CDKL4: variants seen among roughly 807,000 people sequenced by gnomAD.
CDKL4 encodes cyclin dependent kinase like 4.
CDKL4 carries 44 observed loss-of-function variants against 42.0 expected under a neutral mutation model. The observed-to-expected ratio is 1.05, with a 90% CI of 0.82 to 1.35. CDKL4 has a LOEUF of 1.35. Among genes scored for constraint, CDKL4 ranks in the 40% most tolerant of loss-of-function variants. The pLI, the probability that CDKL4 is intolerant of heterozygous loss-of-function variation, is 0.00. For synonymous variants in CDKL4, 120 were observed against 121.6 expected (o/e 0.99, Z 0.09); for missense variants, 393 against 369.9 (o/e 1.06, Z -0.51).
At chr2:39,245,317 A>G (rs1341358370), upstream of CDKL4, among the ~76,000 whole-genome samples, 1 of 152,172 alleles carries the variant, frequency 6.6e-6, no homozygotes, top group Non-Finnish European at 1.5e-5. Flanking sequence ...TAAGAGCTGT[A>G]ACACTCACCG....
At chr2:39,197,736 C>T (rs964653454) in intron 5 of CDKL4, among the ~76,000 whole-genome samples, 1 of 152,112 alleles carries the variant, frequency 6.6e-6, no homozygotes, top group African/African-American at 2.4e-5. Context: ...TCTAGTGAAA[C>T]TAAGCTTCAT....
chr2:39,239,032 G>C lies in CDKL4; in HGVS notation c.-57+4839C>G, dbSNP rs542761692. 4.6e-5 allele frequency among the ~76,000 whole-genome samples: 7 copies of C among 152,354 alleles called. No homozygotes were observed. The East Asian group carries it at 1.3e-3, about 29-fold the overall frequency. On this transcript the variant is annotated intron_variant, in intron 1 of 9. Coordinates refer to ENST00000451199, the Ensembl canonical transcript of CDKL4. ...CTCCAAAAGTGTTGGGATTACAAGAGTGAGCCACTGCGCCTGGCCCAACTG... is the reference window on the plus strand; with the variant it reads ...CTCCAAAAGTGTTGGGATTACAAGACTGAGCCACTGCGCCTGGCCCAACTG...
At chr2:39,202,624 T>C (rs1334049223) in intron 5 of CDKL4, among the ~76,000 whole-genome samples, 2 of 143,788 alleles carry the variant, frequency 1.4e-5, no homozygotes, top group East Asian at 4.1e-4. Flanking sequence ...GTCATGAGGC[T>C]TTTTGTCTAT....
Position 39,190,537 on chromosome 2 carries a change from T to C in CDKL4, c.455-35A>G, listed in dbSNP as rs779659288. On this transcript the variant is annotated intron_variant, in intron 5 of 9. Transcript: ENST00000451199. ...CATCAATCAGATCAGGTAAGTCAAT[T>C]CTCCCAACATGTGAACTGCTCCCAA... The C allele has an allele frequency of 2.5e-6, 4 of 1,584,626 alleles. No homozygotes were observed. The Admixed American group carries it at 6.7e-5, about 26-fold the overall frequency.
chr2:39,170,296 G>GA, the CDKL4 span, among the ~76,000 whole-genome samples: 20 of 135,396 alleles, frequency 1.5e-4, no homozygotes, highest in African/African-American at 4.2e-4. Flanking sequence ...AAAAAAAAAA[G>GA]AAAGAAAAGA....
intron 5 of CDKL4, among the ~76,000 whole-genome samples, chr2:39,202,899 G>A (rs186433672): frequency 7.2e-5 from 11 of 152,304 alleles, no homozygotes; most frequent in Admixed American, 6.5e-4. Context: ...GACTTGAGCT[G>A]TAACCAGTGC....
At chr2:39,177,342 T>G (rs889766529) in intron 9 of CDKL4, among the ~76,000 whole-genome samples, 1 of 151,192 alleles carries the variant, frequency 6.6e-6, no homozygotes, top group Non-Finnish European at 1.5e-5. Context: ...GGACCAGGAG[T>G]CCAGCTGGGG....
chr2:39,244,434 A>C (rs1219061760), upstream of CDKL4, among the ~76,000 whole-genome samples: 1 of 152,210 alleles, frequency 6.6e-6, no homozygotes, highest in Non-Finnish European at 1.5e-5. Flanking sequence ...CGGCTGCAGA[A>C]GGTGTAATGG....
intron 1 of CDKL4, among the ~76,000 whole-genome samples, chr2:39,233,488 T>C (rs1679186965): frequency 6.6e-6 from 1 of 152,140 alleles, no homozygotes; most frequent in African/African-American, 2.4e-5. Context: ...GAATTCTGAA[T>C]TGAAGGGCAT....
chr2:39,211,846 T>C (rs1242805835), intron 4 of CDKL4, among the ~76,000 whole-genome samples: 7 of 151,990 alleles, frequency 4.6e-5, no homozygotes, highest in African/African-American at 1.7e-4. Flanking sequence ...GTGGGACAAG[T>C]GGATGCTATA....
chr2:39,215,445 T>TG (rs1240612868), intron 3 of CDKL4, among the ~76,000 whole-genome samples: 1 of 152,254 alleles, frequency 6.6e-6, no homozygotes, highest in Non-Finnish European at 1.5e-5. Context: ...TTGATGGAGA[T>TG]GCGGCTGTTG....
At chr2:39,223,504 G>C (rs758734726) in intron 3 of CDKL4, among the ~76,000 whole-genome samples, 17 of 149,570 alleles carry the variant, frequency 1.1e-4, no homozygotes, top group Middle Eastern at 7.0e-3. Flanking sequence ...ATGGTACCTT[G>C]CTAAAAAGTT....
intron 9 of CDKL4, among the ~76,000 whole-genome samples, chr2:39,177,388 G>T (rs1467291374): frequency 6.6e-6 from 1 of 152,052 alleles, no homozygotes. Context: ...GCCAGTGTTG[G>T]GGGGAATCCA....
At chr2:39,204,794 A>G (rs1369459362) in intron 4 of CDKL4, among the ~76,000 whole-genome samples, 177 bp from the exon 5 acceptor site, 1 of 152,232 alleles carries the variant, frequency 6.6e-6, no homozygotes, top group African/African-American at 2.4e-5. Flanking sequence ...TTGTCATACC[A>G]AAATTAAAAC....
At chr2:39,168,220 G>A in the CDKL4 span, among the ~76,000 whole-genome samples, 4 of 152,032 alleles carry the variant, frequency 2.6e-5, no homozygotes, top group Non-Finnish European at 5.9e-5. Flanking sequence ...ATATAGCTAC[G>A]ACTTCAAGTG....
intron 1 of CDKL4, among the ~76,000 whole-genome samples, chr2:39,230,273 G>A (rs1679018835): frequency 6.6e-6 from 1 of 152,368 alleles, no homozygotes; most frequent in Admixed American, 6.5e-5. Context: ...CAGCTACTCA[G>A]GAGGCCCTTG....
At chr2:39,180,653 A>G (rs1675385754) in intron 8 of CDKL4, among the ~76,000 whole-genome samples, 1 of 147,616 alleles carries the variant, frequency 6.8e-6, no homozygotes, top group Non-Finnish European at 1.5e-5. Context: ...CTCAAATCCT[A>G]GTACTGTTAG....
downstream of CDKL4, among the ~76,000 whole-genome samples, chr2:39,171,666 G>A (rs1675002767): frequency 6.6e-6 from 1 of 152,138 alleles, no homozygotes; most frequent in Admixed American, 6.6e-5. Flanking sequence ...CATTTTGAAT[G>A]GCCTGAAAAT....
downstream of CDKL4, among the ~76,000 whole-genome samples, chr2:39,170,884 C>T (rs577347361): frequency 6.6e-6 from 1 of 152,132 alleles, no homozygotes; most frequent in South Asian, 2.1e-4. Context: ...ATGGTGGTGA[C>T]AAATGACTAA....
Sources: gnomAD v4.1 joint callset for allele counts (sites outside exome capture counted in the v4.1 genomes callset) on GRCh38, gnomAD v4.1.1 for gene constraint, MANE v1.5 for transcripts, NCBI Gene and HGNC (gene_info 2026-07-23, HGNC 2026-07-21) for gene names.